The following EFNA2 variants were observed in gnomAD, a reference collection of about 807,000 sequenced individuals.
EFNA2 encodes the protein ephrin A2, also known as ephrin-A2.
A neutral mutation model predicts 19.7 loss-of-function variants in EFNA2; 18 were observed. The ratio of observed to expected loss-of-function variants is 0.91; its 90% CI spans 0.63 to 1.35. The LOEUF (loss-of-function observed/expected upper bound fraction) is 1.35, where lower values mean the gene tolerates loss of function less well. Ranked by LOEUF, EFNA2 falls within the 40% of genes most tolerant of loss-of-function variation. The probability of loss-of-function intolerance (pLI) is 0.00; values close to 1 mark genes in which losing one functional copy is unlikely to be tolerated. For missense variants in EFNA2, 303 were observed against 296.0 expected, an observed-to-expected ratio of 1.02 and a Z score of -0.17; for synonymous variants, 187 against 137.8, an observed-to-expected ratio of 1.36 and a Z score of -2.50.
Position 1,285,992 on chromosome 19 carries a change from C to T in EFNA2, c.-177C>T, listed in dbSNP as rs1025153413. ...CCCGCCCCGCCGCCGCCTGACTTCTCGGCGCCCGAGGTCGCGCGCGCGGAG... is the reference window on the plus strand; with the variant it reads ...CCCGCCCCGCCGCCGCCTGACTTCTTGGCGCCCGAGGTCGCGCGCGCGGAG... On this transcript the variant is annotated 5_prime_UTR_variant, in exon 1 of 4. Transcript: ENST00000215368. The surrounding 1 kb of genome is among the most constrained non-coding windows in gnomAD (Gnocchi z 4.1). 1.4e-5 allele frequency among the ~76,000 whole-genome samples: 2 copies of T among 145,414 alleles called. No homozygotes were observed. The highest frequency in any genetic ancestry group is 2.5e-5 in the African/African-American group (1 of 40,638).
intron 1 of EFNA2, among the ~76,000 whole-genome samples, chr19:1,289,466 C>T (rs1401549016): frequency 1.3e-5 from 2 of 152,190 alleles, no homozygotes; most frequent in South Asian, 2.1e-4. Flanking sequence ...ATGGCAACCC[C>T]GCTGTTGGCC....
chr19:1,300,844 G>A lies in EFNA2; in HGVS notation c.*899G>A, dbSNP rs2081539552. On this transcript the variant is annotated 3_prime_UTR_variant, in exon 4 of 4. Coordinates refer to ENST00000215368, the MANE Select transcript of EFNA2 (RefSeq NM_001405.4). ...TCACACGGTCCCTCTCCGAGGCCGA[G>A]AAGACCTTCTGTTCCTGTAAATACA... Among the ~76,000 whole-genome samples the A allele has an allele frequency of 1.3e-5, 2 of 152,142 alleles. No individual in the cohort carries two copies. Among genetic ancestry groups the A allele is most frequent in the Non-Finnish European group, 1.5e-5 (1 of 68,022 alleles).
At position 1,294,532 on chromosome 19, in the gene EFNA2, C is replaced by T. The variant is rs948461175; in HGVS notation, c.141-1013C>T. On this transcript the variant is annotated intron_variant, in intron 1 of 3. Coordinates refer to ENST00000215368, the MANE Select transcript of EFNA2 (RefSeq NM_001405.4). This position sits in a 1 kb window ranked among gnomAD's most constrained non-coding sequence, Gnocchi z 5.8. Reference sequence around the variant, plus strand: ...CCGCCGGATTCCGGGGCTCGGGGCTCGGGAGGTTTCTGGGTTCCAGATGTG... The same window carrying T: ...CCGCCGGATTCCGGGGCTCGGGGCTTGGGAGGTTTCTGGGTTCCAGATGTG... Among the ~76,000 whole-genome samples, 12 of 151,480 alleles carry T rather than the reference C, an allele frequency of 7.9e-5. No individual in the cohort carries two copies. The highest frequency in any genetic ancestry group is 2.4e-4 in the African/African-American group (10 of 41,148).
upstream of EFNA2, among the ~76,000 whole-genome samples, chr19:1,285,773 GC>G (rs2081460439): frequency 6.7e-6 from 1 of 149,874 alleles, no homozygotes; most frequent in Admixed American, 6.6e-5. The surrounding 1 kb of genome is among the most constrained non-coding windows in gnomAD (Gnocchi z 4.1). Context: ...GGGGCAGGGG[GC>G]GGGCGCAGGC....
At position 1,295,412 on chromosome 19, in the gene EFNA2, A is replaced by AC. The variant is rs2081509187; in HGVS notation, c.141-129dup. On this transcript the variant is annotated intron_variant, in intron 1 of 3. Transcript: ENST00000215368. The surrounding 1 kb of genome is among the most constrained non-coding windows in gnomAD (Gnocchi z 5.8). ...CCCTGACCCGTCCCCCGTGCTCCTGACCCCGGCCCTCGCCGCGCACCCCGA... is the reference window on the plus strand; with the variant it reads ...CCCTGACCCGTCCCCCGTGCTCCTGACCCCCGGCCCTCGCCGCGCACCCCGA... The AC allele has an allele frequency of 1.2e-6, 1 of 862,976 alleles. No homozygotes were observed. The allele number at this position is 862,976 out of a possible 1,614,324, so 53.5% of individuals were successfully genotyped here.
At chr19:1,284,548 T>G (rs888105255), upstream of EFNA2, among the ~76,000 whole-genome samples, 1 of 152,214 alleles carries the variant, frequency 6.6e-6, no homozygotes, top group African/African-American at 2.4e-5. The surrounding 1 kb of genome is among the most constrained non-coding windows in gnomAD (Gnocchi z 5.3). Context: ...GGACCCAGCC[T>G]GAACAAAGGT....
Position 1,300,096 on chromosome 19 carries a change from C to CGG in EFNA2, c.*151_*152insGG. On this transcript the variant is annotated 3_prime_UTR_variant, in exon 4 of 4. Coordinates refer to ENST00000215368, the MANE Select transcript of EFNA2 (RefSeq NM_001405.4). ...TGGTGCCGCCCCCGCCGGGCAGGGG[C>CGG]CATCCACCCGCCCCAGGACCAGCCC... is the stretch of plus-strand genomic sequence containing the variant. 1 of 1,136,962 alleles carries CGG rather than the reference C, an allele frequency of 8.8e-7. No individual in the cohort carries two copies. The highest frequency in any genetic ancestry group is 1.2e-6 in the Non-Finnish European group (1 of 838,838). 70.4% of individuals were successfully genotyped at this position (1,136,962 alleles called of 1,614,324 possible).
At chr19:1,299,555 AAAAT>A (rs1419958280) in intron 3 of EFNA2, among the ~76,000 whole-genome samples, 14 of 152,072 alleles carry the variant, frequency 9.2e-5, no homozygotes, top group Non-Finnish European at 1.9e-4. Flanking sequence ...TCCGTCTCAA[AAAAT>A]AAATAAATAA....
chr19:1,288,593 G>A (rs1212795773), intron 1 of EFNA2, among the ~76,000 whole-genome samples: 3 of 152,068 alleles, frequency 2.0e-5, no homozygotes, highest in African/African-American at 7.3e-5. Context: ...GTGCTCGATG[G>A]GGCCTGCAGG....
At position 1,297,582 on chromosome 19, in the gene EFNA2, A is replaced by G. The variant is rs1171741363; in HGVS notation, c.455-969A>G. On this transcript the variant is annotated intron_variant, in intron 2 of 3. Transcript: ENST00000215368. The surrounding 1 kb of genome is among the most constrained non-coding windows in gnomAD (Gnocchi z 5.0). ...CGGCAGAGACAGCAAGACCACATCC[A>G]TGTGTGCGTGCACATGGACCCACCC... 1.3e-5 allele frequency among the ~76,000 whole-genome samples: 2 copies of G among 152,008 alleles called. No homozygotes were observed. Among genetic ancestry groups the G allele is most frequent in the African/African-American group, 4.8e-5 (2 of 41,370 alleles).
At chr19:1,293,982 C>G (rs1190088525) in intron 1 of EFNA2, among the ~76,000 whole-genome samples, 2 of 152,226 alleles carry the variant, frequency 1.3e-5, no homozygotes, top group African/African-American at 4.8e-5. Flanking sequence ...TTAGTGCCCC[C>G]AGTGTGGGGC....
chr19:1,293,389 G>A (rs1409876475), intron 1 of EFNA2, among the ~76,000 whole-genome samples: 1 of 152,236 alleles, frequency 6.6e-6, no homozygotes, highest in Non-Finnish European at 1.5e-5. Flanking sequence ...GGTGGGCTGA[G>A]GCCGAGCCCA....
upstream of EFNA2, among the ~76,000 whole-genome samples, chr19:1,285,109 G>A (rs1233723135): frequency 6.6e-6 from 1 of 152,174 alleles, no homozygotes; most frequent in Non-Finnish European, 1.5e-5. The surrounding 1 kb of genome is among the most constrained non-coding windows in gnomAD (Gnocchi z 4.1). Context: ...ACAAAGCAGA[G>A]GCCAGGCCCC....
At chr19:1,288,742 C>G (rs1014061925) in intron 1 of EFNA2, among the ~76,000 whole-genome samples, 1 of 152,000 alleles carries the variant, frequency 6.6e-6, no homozygotes, top group Non-Finnish European at 1.5e-5. Flanking sequence ...CAGGGGACCC[C>G]GCACCCACCT....
chr19:1,293,327 C>T (rs1246998200), intron 1 of EFNA2, among the ~76,000 whole-genome samples: 1 of 152,222 alleles, frequency 6.6e-6, no homozygotes, highest in Non-Finnish European at 1.5e-5. Flanking sequence ...CCCAAGGGGC[C>T]AGCGGGTCAA....
chr19:1,293,393 G>A (rs1199237134), intron 1 of EFNA2, among the ~76,000 whole-genome samples: 1 of 152,220 alleles, frequency 6.6e-6, no homozygotes. Context: ...GGCTGAGGCC[G>A]AGCCCATCTC....
At position 1,295,790 on chromosome 19, in the gene EFNA2, A is replaced by G. The variant is rs756503276; in HGVS notation, c.386A>G (p.Lys129Arg). The G allele has an allele frequency of 6.2e-7, 1 of 1,608,378 alleles. No homozygotes were observed. The highest frequency in any genetic ancestry group is 1.7e-5 in the Admixed American group (1 of 59,242). ...APGGPLKFSE[K>R]FQLFTPFSLG... ...GGGGGGCCGCTCAAGTTCTCGGAGAAGTTCCAGCTCTTCACGCCCTTCTCC... is the reference window on the plus strand; with the variant it reads ...GGGGGGCCGCTCAAGTTCTCGGAGAGGTTCCAGCTCTTCACGCCCTTCTCC... Residue 129 changes from lysine (K) to arginine (R), a missense_variant, in exon 2 of 4, where the codon AAG becomes AGG. Physicochemically the swap from Lys to Arg is conservative, Grantham distance 26. Transcript: ENST00000215368. This position sits in a 1 kb window ranked among gnomAD's most constrained non-coding sequence, Gnocchi z 5.8.
rs903682571 is a variant in EFNA2, at chr19:1,286,103, CGGA to C, written c.-60_-58del. 1.5e-5 allele frequency: 7 copies of C among 473,472 alleles called. No homozygotes were observed. Among genetic ancestry groups the C allele is most frequent in the Admixed American group, 6.6e-5 (1 of 15,126 alleles). 29.3% of individuals were successfully genotyped at this position (473,472 alleles called of 1,614,324 possible). The stretch of plus-strand genomic sequence containing the variant: ...GCCCGCTCGGCGGCGGCGGCGGCGG[CGGA>C]GGAGGCGGAGAAGGCTGGCAGGCGG... On this transcript the variant is annotated 5_prime_UTR_variant, in exon 1 of 4. Coordinates refer to ENST00000215368, the MANE Select transcript of EFNA2 (RefSeq NM_001405.4). This position sits in a 1 kb window ranked among gnomAD's most constrained non-coding sequence, Gnocchi z 5.6.
chr19:1,291,120 G>C (rs1049245938), intron 1 of EFNA2, among the ~76,000 whole-genome samples: 2 of 152,218 alleles, frequency 1.3e-5, no homozygotes, highest in African/African-American at 4.8e-5. Flanking sequence ...GTCCCACCTG[G>C]GGCCGGCCCG....
Sources: gnomAD v4.1 joint callset for allele counts (sites outside exome capture counted in the v4.1 genomes callset) on GRCh38, gnomAD v4.1.1 for gene constraint, Gnocchi (gnomAD v3.1) non-coding constraint, MANE v1.5 for transcripts, NCBI Gene and HGNC (gene_info 2026-07-23, HGNC 2026-07-21) for gene names.